RNF216: variants seen among roughly 807,000 people sequenced by gnomAD.
The protein encoded by RNF216 is E3 ubiquitin-protein ligase RNF216.
In RNF216, 72 loss-of-function variants were observed where a neutral mutation model predicts 110.8. The ratio of observed to expected loss-of-function variants is 0.65; its 90% CI spans 0.54 to 0.79. The LOEUF (loss-of-function observed/expected upper bound fraction) is 0.79. Among genes scored for constraint, RNF216 ranks in the 30% least tolerant of loss-of-function variants. RNF216 has a pLI of 0.00. For synonymous variants in RNF216, 495 were observed against 407.5 expected, an observed-to-expected ratio of 1.21 and a Z score of -2.59; for missense variants, 1,342 against 1,141.2, an observed-to-expected ratio of 1.18 and a Z score of -2.54.
Position 5,621,888 on chromosome 7 carries a change from G to C in RNF216, c.*972C>G, listed in dbSNP as rs1411861825. ...GAGAAGGGAAGTGACCTTCACATGG[G>C]GGATACTGGACAGCACCCTCTACCT... On this transcript the variant is annotated 3_prime_UTR_variant, in exon 17 of 17. Coordinates refer to ENST00000389902, the MANE Select transcript of RNF216 (RefSeq NM_207111.4). 1 of 152,340 alleles carries C rather than the reference G, an allele frequency of 6.6e-6. No homozygotes were observed. The highest frequency in any genetic ancestry group is 1.5e-5 in the Non-Finnish European group (1 of 68,170). The allele number at this position is 152,340 out of a possible 1,614,324, so 9.4% of individuals were successfully genotyped here.
intron 13 of RNF216, among the ~76,000 whole-genome samples, chr7:5,655,667 T>A (rs1293465383): frequency 6.6e-6 from 1 of 151,180 alleles, no homozygotes; most frequent in African/African-American, 2.5e-5. Flanking sequence ...AAACCCACAA[T>A]TAAAATAAGG....
intron 13 of RNF216, among the ~76,000 whole-genome samples, chr7:5,705,862 A>G (rs987121241): frequency 7.3e-5 from 11 of 151,634 alleles, no homozygotes; most frequent in African/African-American, 2.2e-4. Context: ...AGCCAAGATC[A>G]TACCATTGCA....
chr7:5,705,242 G>T (rs1349315714), intron 13 of RNF216, among the ~76,000 whole-genome samples: 1 of 152,094 alleles, frequency 6.6e-6, no homozygotes, highest in African/African-American at 2.4e-5. Flanking sequence ...GTACACACTG[G>T]ATGTCTCCCC....
intron 13 of RNF216, among the ~76,000 whole-genome samples, chr7:5,707,709 G>A (rs1201979823): frequency 7.0e-5 from 10 of 143,712 alleles, no homozygotes; most frequent in African/African-American, 2.3e-4. Context: ...TTTTCAGTGT[G>A]TGTGTGTGGT....
intron 1 of RNF216, among the ~76,000 whole-genome samples, chr7:5,775,846 G>C (rs1796745385): frequency 6.6e-6 from 1 of 151,206 alleles, no homozygotes; most frequent in Non-Finnish European, 1.5e-5. Context: ...TCCTGCCTGG[G>C]TGACAGAGCG....
chr7:5,744,970 C>T (rs968391437), intron 3 of RNF216, among the ~76,000 whole-genome samples: 13 of 150,544 alleles, frequency 8.6e-5, no homozygotes, highest in East Asian at 5.8e-4. Context: ...AAACTCCCAT[C>T]TCCAAAAAGA....
At chr7:5,745,719 G>C (rs918790042) in intron 3 of RNF216, among the ~76,000 whole-genome samples, 1 of 151,966 alleles carries the variant, frequency 6.6e-6, no homozygotes, top group African/African-American at 2.4e-5. Flanking sequence ...GACCAACATG[G>C]TGAAACCCCA....
At chr7:5,748,692 T>C (rs962979890) in intron 3 of RNF216, among the ~76,000 whole-genome samples, 5 of 151,810 alleles carry the variant, frequency 3.3e-5, no homozygotes, top group African/African-American at 1.2e-4. Context: ...AACCATGTTA[T>C]TGGTCAACAG....
At chr7:5,739,895 C>G (rs538145121) in intron 4 of RNF216, among the ~76,000 whole-genome samples, 1 of 151,132 alleles carries the variant, frequency 6.6e-6, no homozygotes, top group Admixed American at 6.6e-5. Flanking sequence ...CCCAGCTACT[C>G]GGGAGGCAGA....
At chr7:5,673,866 T>TC (rs1323069373) in intron 13 of RNF216, among the ~76,000 whole-genome samples, 1 of 148,686 alleles carries the variant, frequency 6.7e-6, no homozygotes, top group Non-Finnish European at 1.5e-5. Flanking sequence ...CTCATTTTTT[T>TC]TTTTTTTTTT....
intron 13 of RNF216, among the ~76,000 whole-genome samples, chr7:5,674,033 A>G (rs929462861): frequency 1.6e-5 from 2 of 127,730 alleles, no homozygotes; most frequent in African/African-American, 3.0e-5. Flanking sequence ...ATAATTTTCA[A>G]TTTTTTTTTT....
At chr7:5,760,937 G>C in intron 2 of RNF216, 66 bp downstream of exon 2, 1 of 1,253,598 alleles carries the variant, frequency 8.0e-7, no homozygotes, top group Non-Finnish European at 1.1e-6. Flanking sequence ...CATTTCAAAA[G>C]ATACAGCTGT....
chr7:5,670,356 C>T (rs1019403615), intron 13 of RNF216, among the ~76,000 whole-genome samples: 1 of 152,150 alleles, frequency 6.6e-6, no homozygotes, highest in Non-Finnish European at 1.5e-5. Context: ...GCAGAGGACC[C>T]AGCCATGTGA....
chr7:5,750,956 G>GC (rs1562460670), intron 3 of RNF216, among the ~76,000 whole-genome samples: 23 of 152,280 alleles, frequency 1.5e-4, no homozygotes, highest in African/African-American at 5.3e-4. Context: ...ATAAAACACA[G>GC]CAAGTATTGC....
At chr7:5,761,737 G>A (rs190326519) in intron 1 of RNF216, among the ~76,000 whole-genome samples, 2 of 151,250 alleles carry the variant, frequency 1.3e-5, no homozygotes, top group Admixed American at 1.3e-4. Flanking sequence ...AGTGAGCCAA[G>A]ATCGTGGCAC....
At chr7:5,640,136 G>A (rs1348181582) in intron 15 of RNF216, among the ~76,000 whole-genome samples, 10 of 151,126 alleles carry the variant, frequency 6.6e-5, no homozygotes, top group African/African-American at 9.7e-5. Context: ...CGGCTCCAGC[G>A]ATCCGCCCAC....
At chr7:5,659,369 C>T (rs1049743320) in intron 13 of RNF216, among the ~76,000 whole-genome samples, 2 of 152,084 alleles carry the variant, frequency 1.3e-5, no homozygotes, top group Admixed American at 6.6e-5. Context: ...AAGCTGAGTC[C>T]TAAAGGAGGA....
chr7:5,738,386 G>A (rs1794557536), intron 5 of RNF216, among the ~76,000 whole-genome samples: 1 of 151,894 alleles, frequency 6.6e-6, no homozygotes. Flanking sequence ...CCATATGTCT[G>A]GCCCGTATTT....
At chr7:5,645,879 T>G (rs1301632707) in intron 14 of RNF216, among the ~76,000 whole-genome samples, 1 of 152,174 alleles carries the variant, frequency 6.6e-6, no homozygotes, top group Non-Finnish European at 1.5e-5. Context: ...CGTGAGCCAC[T>G]GCGCCTGGCT....
Sources: allele counts gnomAD v4.1 joint callset (sites outside exome capture counted in the v4.1 genomes callset), GRCh38; gene constraint gnomAD v4.1.1; transcripts MANE v1.5; gene names NCBI Gene and HGNC (gene_info 2026-07-23, HGNC 2026-07-21).